Variants in HERC2 observed in about 807,000 individuals in gnomAD.
HERC2 encodes E3 ubiquitin-protein ligase HERC2.
In HERC2, 102 loss-of-function variants were observed where a neutral mutation model predicts 537.7. The observed-to-expected ratio is 0.19, with a 90% confidence interval of 0.16 to 0.22. The LOEUF is 0.22. HERC2 is among the 10% of genes least tolerant of loss of function. HERC2 has a pLI of 1.00. For synonymous variants in HERC2, 2,224 were observed against 2,466.2 expected (o/e 0.90, Z 2.91); for missense variants, 4,236 against 6,198.2 (o/e 0.68, Z 10.63).
intron 4 of HERC2, among the ~76,000 whole-genome samples, chr15:28,292,483 T>C (rs865849457): frequency 6.6e-5 from 10 of 152,124 alleles, no homozygotes; most frequent in Middle Eastern, 3.2e-3. Context: ...TATAAAACAA[T>C]GTAGCCACTG....
chr15:28,203,618 C>G (rs1898102131), intron 45 of HERC2: 1 of 152,034 alleles, frequency 6.6e-6, no homozygotes, highest in Non-Finnish European at 1.5e-5. Flanking sequence ...ACCCCTGACC[C>G]CGAGAAGCCT....
chr15:28,132,036 GGGC>G lies in HERC2; in HGVS notation c.12570+61_12570+63del, dbSNP rs2142163833. The G allele has an allele frequency of 2.4e-6, 3 of 1,262,672 alleles. No homozygotes were observed. In the East Asian group the frequency reaches 8.8e-5, roughly 37 times the overall value. The allele number at this position is 1,262,672 out of a possible 1,614,324, so 78.2% of individuals were successfully genotyped here. On this transcript the variant is annotated intron_variant, in intron 81 of 92. Coordinates refer to ENST00000261609, the MANE Select transcript of HERC2 (RefSeq NM_004667.6). The stretch of plus-strand genomic sequence containing the variant: ...GCTCTGAGGCTGTGTTTTCCCAGAG[GGGC>G]CCTGGGGGCCCGACTGCGGTGAGCT...
In HERC2 at chr15:28,124,948, G is replaced by A. The variant is rs892248042; in HGVS notation, c.12990+58C>T. 5 of 1,487,750 alleles carry A rather than the reference G, an allele frequency of 3.4e-6. No individual in the cohort carries two copies. In the Middle Eastern group the frequency reaches 6.9e-4, roughly 205 times the overall value. 92.2% of individuals were successfully genotyped at this position (1,487,750 alleles called of 1,614,324 possible). ...TGTAAACACACAACGACAGGATGCAGCATGTGACAGGAGCACACTTTGCTT... is the reference window on the plus strand; with the variant it reads ...TGTAAACACACAACGACAGGATGCAACATGTGACAGGAGCACACTTTGCTT... On this transcript the variant is annotated intron_variant, in intron 84 of 92. Coordinates refer to ENST00000261609, the MANE Select transcript of HERC2 (RefSeq NM_004667.6).
intron 23 of HERC2, 145 bp from the exon 24 acceptor site, chr15:28,238,917 C>T: frequency 1.4e-6 from 1 of 713,106 alleles, no homozygotes; most frequent in Non-Finnish European, 2.6e-6. Context: ...GAAACTAATA[C>T]CACACATACA....
At chr15:28,172,917 A>G (rs1894834045) in intron 65 of HERC2, among the ~76,000 whole-genome samples, 1 of 152,244 alleles carries the variant, frequency 6.6e-6, no homozygotes, top group South Asian at 2.1e-4. Flanking sequence ...TCAGTAAGAA[A>G]ACAATCAACC....
intron 37 of HERC2, among the ~76,000 whole-genome samples, chr15:28,219,108 A>G (rs1021063498): frequency 3.3e-5 from 5 of 152,250 alleles, no homozygotes; most frequent in African/African-American, 4.8e-5. Flanking sequence ...ACATTAGCAT[A>G]TAACTCAGAA....
intron 15 of HERC2, 28 bp downstream of exon 15, chr15:28,262,890 G>C (rs758746246): frequency 2.5e-6 from 4 of 1,601,910 alleles, no homozygotes; most frequent in Non-Finnish European, 3.4e-6. Context: ...TGTCCTGAAG[G>C]GTTTTAAAAG....
chr15:28,214,575 GA>G, intron 40 of HERC2, 79 bp downstream of exon 40: 1 of 1,499,182 alleles, frequency 6.7e-7, no homozygotes, highest in South Asian at 1.1e-5. Context: ...AGGGCACAGG[GA>G]AGGGAAACGG....
chr15:28,224,109 T>A (rs1419095112), intron 35 of HERC2, among the ~76,000 whole-genome samples: 1 of 144,410 alleles, frequency 6.9e-6, no homozygotes, highest in Non-Finnish European at 1.5e-5. Flanking sequence ...TAACACAACA[T>A]ATAAATATAT....
intron 85 of HERC2, 56 bp from the exon 86 acceptor site, chr15:28,121,485 G>GCC (rs949828748): frequency 7.4e-7 from 1 of 1,346,096 alleles, no homozygotes. Context: ...CATCACTCCT[G>GCC]AAGAAATCAT....
intron 57 of HERC2, among the ~76,000 whole-genome samples, chr15:28,180,704 C>T (rs1250092698): frequency 6.6e-6 from 1 of 152,188 alleles, no homozygotes; most frequent in Admixed American, 6.5e-5. Flanking sequence ...GGTTCCACGT[C>T]CATGAATTCA....
chr15:28,188,424 G>C (rs1361196856), intron 55 of HERC2, among the ~76,000 whole-genome samples: 1 of 151,922 alleles, frequency 6.6e-6, no homozygotes, highest in Non-Finnish European at 1.5e-5. Flanking sequence ...GGCGCCTATA[G>C]TCCCAGCTAC....
At chr15:28,224,149 C>CACACACACACACACACACACA (rs1321759830) in intron 35 of HERC2, among the ~76,000 whole-genome samples, 1 of 132,980 alleles carries the variant, frequency 7.5e-6, no homozygotes. Flanking sequence ...ACACACACAC[C>CACACACACACACACACACACA]CACACACACA....
At chr15:28,214,001 A>G (rs754561083) in intron 41 of HERC2, 29 bp from the exon 42 acceptor site, 26 of 1,611,214 alleles carry the variant, frequency 1.6e-5, no homozygotes, top group South Asian at 1.3e-4. Context: ...CGAGCTCGAC[A>G]GAGACACTCA....
intron 5 of HERC2, among the ~76,000 whole-genome samples, chr15:28,277,817 T>G (rs1423911879): frequency 6.6e-6 from 1 of 152,286 alleles, no homozygotes; most frequent in African/African-American, 2.4e-5. Flanking sequence ...AAATACAACA[T>G]GTACAGTCGT....
intron 2 of HERC2, among the ~76,000 whole-genome samples, chr15:28,316,728 G>A (rs1202069495): frequency 1.3e-5 from 2 of 152,176 alleles, no homozygotes; most frequent in African/African-American, 4.8e-5. Context: ...CTGAAAGCCT[G>A]AGAACAGAAT....
intron 8 of HERC2, 101 bp from the exon 9 acceptor site, chr15:28,272,487 T>TCCCAAGTATTTGTTC: frequency 9.1e-7 from 1 of 1,093,354 alleles, no homozygotes; most frequent in African/African-American, 1.6e-5. Context: ...AGTGAACAAA[T>TCCCAAGTATTTGTTC]ACTTGGGATT....
intron 59 of HERC2, 65 bp downstream of exon 59, chr15:28,178,822 T>G (rs1432052518): frequency 4.0e-6 from 6 of 1,516,328 alleles, no homozygotes; most frequent in Non-Finnish European, 4.4e-6. Flanking sequence ...CAATTAGGGC[T>G]TTGGTTAACA....
At chr15:28,260,592 T>C (rs763929634) in intron 16 of HERC2, among the ~76,000 whole-genome samples, 185 bp downstream of exon 16, 42 of 152,198 alleles carry the variant, frequency 2.8e-4, no homozygotes, top group Non-Finnish European at 5.9e-5. Context: ...TCTATACAGA[T>C]AGCATTTAAT....
Sources: allele counts gnomAD v4.1 joint callset (sites outside exome capture counted in the v4.1 genomes callset), GRCh38; gene constraint gnomAD v4.1.1; transcripts MANE v1.5; gene names NCBI Gene and HGNC (gene_info 2026-07-23, HGNC 2026-07-21).